PAK5: variants seen among roughly 807,000 people sequenced by gnomAD.
PAK5 encodes p21 (RAC1) activated kinase 5.
Under a neutral mutation model 65.9 loss-of-function variants are expected in PAK5, and 16 were observed. That is an observed-to-expected ratio of 0.24 (90% CI 0.16 to 0.37). PAK5 has a LOEUF of 0.37. Among genes scored for constraint, PAK5 ranks in the 10% least tolerant of loss-of-function variants. The pLI is 1.00. For synonymous variants in PAK5, 371 were observed against 354.9 expected (o/e 1.05, Z -0.51); for missense variants, 785 against 903.9 (o/e 0.87, Z 1.69).
chr20:9,625,438 C>T (rs191239587), intron 3 of PAK5, among the ~76,000 whole-genome samples: 5 of 152,354 alleles, frequency 3.3e-5, no homozygotes, highest in Admixed American at 2.0e-4. Flanking sequence ...AGTCCCCTCA[C>T]ATCTTCCCTT....
chr20:9,810,702 T>C (rs2049288720), intron 1 of PAK5, among the ~76,000 whole-genome samples: 1 of 152,214 alleles, frequency 6.6e-6, no homozygotes, highest in African/African-American at 2.4e-5. Flanking sequence ...GTACCTAAAA[T>C]GTACCCTCTC....
intron 1 of PAK5, among the ~76,000 whole-genome samples, chr20:9,759,697 T>G (rs1253538382): frequency 6.6e-6 from 1 of 152,132 alleles, no homozygotes. Context: ...CCTGGTCCCA[T>G]GCATGGGGCT....
At chr20:9,757,492 T>C (rs2048648559) in intron 1 of PAK5, among the ~76,000 whole-genome samples, 1 of 152,180 alleles carries the variant, frequency 6.6e-6, no homozygotes. Flanking sequence ...CAGTCCAGTC[T>C]TTAATAAGAT....
intron 7 of PAK5, among the ~76,000 whole-genome samples, chr20:9,546,378 A>G (rs753687813): frequency 6.6e-6 from 1 of 152,184 alleles, no homozygotes; most frequent in African/African-American, 2.4e-5. Flanking sequence ...TGTTTTTTTA[A>G]CAGTTTAAAA....
rs536479718 is a variant in PAK5 at position 9,766,273 on chromosome 20, A to G, written c.-161-54838T>C. The stretch of plus-strand genomic sequence containing the variant: ...ATATATATGTTCTAATTGAATATAT[A>G]TATATTCTAATTGAATATATATATA... On this transcript the variant is annotated intron_variant, in intron 1 of 9. Coordinates refer to ENST00000353224, the MANE Select transcript of PAK5 (RefSeq NM_177990.4). Among the ~76,000 whole-genome samples, 9 of 145,562 alleles carry G rather than the reference A, an allele frequency of 6.2e-5. 1 individual carries two copies. The highest frequency in any genetic ancestry group is 1.4e-4 in the Non-Finnish European group (9 of 66,548).
rs574050079 is a variant in PAK5, at chr20:9,540,644, C to T, written c.2005-1027G>A. Among the ~76,000 whole-genome samples, 4 of 152,198 alleles carry T rather than the reference C, an allele frequency of 2.6e-5. No homozygotes were observed. In the South Asian group the frequency reaches 8.3e-4, roughly 32 times the overall value. On this transcript the variant is annotated intron_variant, in intron 9 of 9. Transcript: ENST00000353224. ...GGACTGGTTTCCAGTTTTTTTGAAACCATTAGGATTAAAGTTGTTCTTGTA... is the reference window on the plus strand; with the variant it reads ...GGACTGGTTTCCAGTTTTTTTGAAATCATTAGGATTAAAGTTGTTCTTGTA...
chr20:9,557,823 A>G, intron 6 of PAK5, 89 bp from the exon 7 acceptor site: 2 of 1,049,598 alleles, frequency 1.9e-6, no homozygotes, highest in Non-Finnish European at 2.8e-6. Context: ...TGCTTTAGTG[A>G]AACAGTCCAC....
chr20:9,792,684 G>A (rs895770015), intron 1 of PAK5, among the ~76,000 whole-genome samples: 1 of 152,164 alleles, frequency 6.6e-6, no homozygotes, highest in African/African-American at 2.4e-5. Context: ...TGAATAGAAA[G>A]CTGGAGAATA....
chr20:9,586,618 A>C (rs2046074885), intron 3 of PAK5, among the ~76,000 whole-genome samples: 1 of 152,154 alleles, frequency 6.6e-6, no homozygotes, highest in Admixed American at 6.6e-5. Flanking sequence ...TCGTGCTATA[A>C]ATATCTTATA....
chr20:9,616,708 C>T lies in PAK5; in HGVS notation c.204+27417G>A, dbSNP rs1048074048. Among the ~76,000 whole-genome samples the T allele has an allele frequency of 1.6e-4, 24 of 152,100 alleles. 1 individual carries two copies. The highest frequency in any genetic ancestry group is 4.6e-4 in the Admixed American group (7 of 15,276). On this transcript the variant is annotated intron_variant, in intron 3 of 9. Coordinates refer to ENST00000353224, the MANE Select transcript of PAK5 (RefSeq NM_177990.4). ...AATACACTGGGGTGCAGTGCCCAGA[C>T]AAGGCCCAGAGAGCCAAGCAAAGCA...
At chr20:9,702,833 C>A (rs2047957188) in intron 2 of PAK5, among the ~76,000 whole-genome samples, 1 of 152,156 alleles carries the variant, frequency 6.6e-6, no homozygotes, top group African/African-American at 2.4e-5. Context: ...AGCACTGCTA[C>A]TTAGCCTCTG....
intron 2 of PAK5, among the ~76,000 whole-genome samples, chr20:9,704,320 C>T (rs2047978313): frequency 6.6e-6 from 1 of 152,154 alleles, no homozygotes; most frequent in Admixed American, 6.6e-5. Flanking sequence ...CCATCCTCAG[C>T]TTAACATTTT....
intron 1 of PAK5, among the ~76,000 whole-genome samples, chr20:9,796,681 GA>G (rs1227745607): frequency 6.6e-6 from 1 of 152,114 alleles, no homozygotes; most frequent in Non-Finnish European, 1.5e-5. Flanking sequence ...GTTATCACAG[GA>G]AACAGGCAAG....
chr20:9,616,150 C>G (rs965839088), intron 3 of PAK5, among the ~76,000 whole-genome samples: 3 of 152,218 alleles, frequency 2.0e-5, no homozygotes, highest in African/African-American at 7.2e-5. Flanking sequence ...TGAAACTACA[C>G]TCCATTGTAC....
At position 9,799,109 on chromosome 20, in the gene PAK5, A is replaced by G. The variant is rs138424906; in HGVS notation, c.-162+39653T>C. Among the ~76,000 whole-genome samples the G allele has an allele frequency of 7.8e-3, 1,181 of 152,304 alleles. 11 individuals are homozygous for G. The highest frequency in any genetic ancestry group is 0.025 in the African/African-American group (1,057 of 41,578). On this transcript the variant is annotated intron_variant, in intron 1 of 9. Coordinates refer to ENST00000353224, the MANE Select transcript of PAK5 (RefSeq NM_177990.4). ...TAAGTAGTGAAGTCATCCTTTATAGATATCTATCTCAGCCACTTTTAGAAA... is the reference window on the plus strand; with the variant it reads ...TAAGTAGTGAAGTCATCCTTTATAGGTATCTATCTCAGCCACTTTTAGAAA...
chr20:9,590,828 C>A (rs902642456), intron 3 of PAK5, among the ~76,000 whole-genome samples: 67 of 152,246 alleles, frequency 4.4e-4, no homozygotes, highest in African/African-American at 1.5e-3. Context: ...AAATAAACAA[C>A]CCAACACTGT....
chr20:9,799,939 CAAAAAAAA>C (rs71331383), intron 1 of PAK5, among the ~76,000 whole-genome samples: 34 of 43,660 alleles, frequency 7.8e-4, no homozygotes, highest in Admixed American at 2.8e-3. Flanking sequence ...ACTCTGTCTC[CAAAAAAAA>C]AAAAAAAAAA....
At chr20:9,804,576 C>A (rs1395731433) in intron 1 of PAK5, among the ~76,000 whole-genome samples, 2 of 152,106 alleles carry the variant, frequency 1.3e-5, no homozygotes, top group African/African-American at 2.4e-5. Context: ...AAAAATAGAT[C>A]AAAGACCTAA....
At chr20:9,768,823 A>AG (rs1338911441) in intron 1 of PAK5, among the ~76,000 whole-genome samples, 2 of 149,706 alleles carry the variant, frequency 1.3e-5, no homozygotes, top group African/African-American at 2.4e-5. Flanking sequence ...GAAAGAAAGA[A>AG]AAAAAAAAAA....
Sources: allele counts gnomAD v4.1 joint callset (sites outside exome capture counted in the v4.1 genomes callset), GRCh38; gene constraint gnomAD v4.1.1; transcripts MANE v1.5; gene names NCBI Gene and HGNC (gene_info 2026-07-23, HGNC 2026-07-21).